The following MAN1C1 variants were observed in gnomAD, a reference collection of about 807,000 sequenced individuals.
MAN1C1 encodes mannosyl-oligosaccharide 1,2-alpha-mannosidase IC.
Under a neutral mutation model 71.5 loss-of-function variants are expected in MAN1C1, and 49 were observed. The observed-to-expected ratio is 0.69, with a 90% CI of 0.54 to 0.87. The LOEUF (loss-of-function observed/expected upper bound fraction) is 0.87. Among genes scored for constraint, MAN1C1 ranks in the 40% least tolerant of loss-of-function variants. The pLI is 0.00. For missense variants in MAN1C1, 743 were observed against 835.0 expected, an observed-to-expected ratio of 0.89 and a Z score of 1.36; for synonymous variants, 352 against 343.7, an observed-to-expected ratio of 1.02 and a Z score of -0.27.
intron 11 of MAN1C1, 130 bp from the exon 12 acceptor site, chr1:25,783,533 G>C: frequency 3.1e-6 from 3 of 973,280 alleles, no homozygotes; most frequent in Non-Finnish European, 4.7e-6. Context: ...CCACAGTTTT[G>C]GGGTTGCAAG....
chr1:25,687,020 A>C (rs1439894541), intron 2 of MAN1C1, among the ~76,000 whole-genome samples: 1 of 152,150 alleles, frequency 6.6e-6, no homozygotes, highest in Admixed American at 6.5e-5. Flanking sequence ...CTTCACCTGT[A>C]GTACCAGTCA....
intron 2 of MAN1C1, among the ~76,000 whole-genome samples, chr1:25,690,929 C>T (rs2046299907): frequency 6.6e-6 from 1 of 152,178 alleles, no homozygotes; most frequent in Non-Finnish European, 1.5e-5. Flanking sequence ...TAAAGTGGCT[C>T]AGTACCCTGA....
At chr1:25,630,383 C>G (rs184441163) in intron 1 of MAN1C1, among the ~76,000 whole-genome samples, 7 of 152,170 alleles carry the variant, frequency 4.6e-5, no homozygotes, top group Admixed American at 2.0e-4. Flanking sequence ...GCCATTCAGG[C>G]TCTTTTTAAA....
intron 2 of MAN1C1, among the ~76,000 whole-genome samples, chr1:25,716,611 G>A (rs931305858): frequency 5.9e-5 from 9 of 152,104 alleles, no homozygotes; most frequent in African/African-American, 1.4e-4. Context: ...CACTGTGCCC[G>A]GCCCTCAAAT....
At chr1:25,736,290 A>G (rs910894533) in intron 2 of MAN1C1, among the ~76,000 whole-genome samples, 6 of 152,082 alleles carry the variant, frequency 3.9e-5, no homozygotes, top group Non-Finnish European at 7.4e-5. Context: ...TGCTGGGCCA[A>G]TCATCTGCCA....
chr1:25,618,385 G>A (rs1234305459), intron 1 of MAN1C1, 48 bp downstream of exon 1: 3 of 1,542,076 alleles, frequency 1.9e-6, no homozygotes, highest in Non-Finnish European at 1.7e-6. Context: ...CCCCTCTAAG[G>A]AGAGAAGACC....
chr1:25,652,756 G>T (rs1376994896), intron 1 of MAN1C1, among the ~76,000 whole-genome samples: 1 of 152,196 alleles, frequency 6.6e-6, no homozygotes, highest in East Asian at 1.9e-4. Context: ...CACCCTCGGG[G>T]TTGCAGTGCT....
Position 25,778,375 on chromosome 1 carries a change from G to C in MAN1C1, c.1477+51G>C. 6.5e-7 allele frequency: 1 copy of C among 1,529,134 alleles called. No individual in the cohort carries two copies. Among genetic ancestry groups the C allele is most frequent in the Admixed American group, 2.0e-5 (1 of 49,928 alleles). The allele number at this position is 1,529,134 out of a possible 1,614,324, so 94.7% of individuals were successfully genotyped here. A position where few individuals can be genotyped will look rare whatever the true frequency, so the allele number is the denominator to read the frequency against. On this transcript the variant is annotated intron_variant, in intron 9 of 11. Coordinates refer to ENST00000374332, the MANE Select transcript of MAN1C1 (RefSeq NM_020379.4). The surrounding 1 kb of genome is among the most constrained non-coding windows in gnomAD (Gnocchi z 5.5). Reference sequence around the variant, plus strand: ...CAGGAGAGACTGAGGCTAGACACCAGGAAGAACTGGAAAGACCGGCAGCAG... The same window carrying C: ...CAGGAGAGACTGAGGCTAGACACCACGAAGAACTGGAAAGACCGGCAGCAG...
intron 8 of MAN1C1, 82 bp downstream of exon 8, chr1:25,771,854 A>C (rs2047557269): frequency 1.8e-6 from 2 of 1,095,920 alleles, no homozygotes; most frequent in Non-Finnish European, 2.8e-6. Context: ...TGCTGCGGGC[A>C]GCGGGGCCAG....
Position 25,769,018 on chromosome 1 carries a change from G to GCACACACACTACACACCACCCACACTCC in MAN1C1, c.1142-2601_1142-2574dup, listed in dbSNP as rs1439078641. On this transcript the variant is annotated intron_variant, in intron 7 of 11. Transcript: ENST00000374332. This position sits in a 1 kb window ranked among gnomAD's most constrained non-coding sequence, Gnocchi z 4.8. ...TACATACACTACACACTCCCCTCAG[G>GCACACACACTACACACCACCCACACTCC]CACACACACTACACACCACCCACAC... is the stretch of plus-strand genomic sequence containing the variant. 1.0e-4 allele frequency among the ~76,000 whole-genome samples: 11 copies of GCACACACACTACACACCACCCACACTCC among 105,712 alleles called. No homozygotes were observed. The South Asian group carries it at 3.6e-3, about 34-fold the overall frequency. 69.4% of individuals were successfully genotyped at this position (105,712 alleles called of 152,430 possible).
rs1212766336 is a variant in MAN1C1 at position 25,770,833 on chromosome 1, C to T, written c.1142-824C>T. 2.6e-5 allele frequency among the ~76,000 whole-genome samples: 4 copies of T among 151,430 alleles called. No individual in the cohort carries two copies. The East Asian group carries it at 5.8e-4, about 22-fold the overall frequency. On this transcript the variant is annotated intron_variant, in intron 7 of 11. Transcript: ENST00000374332. Reference sequence around the variant, plus strand: ...CCCCCATTTTCTTTCTTCTCTCTGTCTCTCTGCTTAAGTGAATCAGAACAC... The same window carrying T: ...CCCCCATTTTCTTTCTTCTCTCTGTTTCTCTGCTTAAGTGAATCAGAACAC...
chr1:25,713,739 G>A (rs958631919), intron 2 of MAN1C1, among the ~76,000 whole-genome samples: 11 of 152,264 alleles, frequency 7.2e-5, no homozygotes, highest in African/African-American at 2.2e-4. Flanking sequence ...CACATAAATC[G>A]TTATAATGCA....
chr1:25,723,467 G>C (rs548571356), intron 2 of MAN1C1, among the ~76,000 whole-genome samples: 1 of 152,164 alleles, frequency 6.6e-6, no homozygotes, highest in Non-Finnish European at 1.5e-5. Context: ...CTTAGGGTTC[G>C]GCTTTCTTGG....
intron 1 of MAN1C1, among the ~76,000 whole-genome samples, chr1:25,667,696 C>A (rs2045943302): frequency 6.6e-6 from 1 of 152,054 alleles, no homozygotes; most frequent in Admixed American, 6.6e-5. Context: ...TATAATACAG[C>A]TGCAATAATC....
At chr1:25,763,060 G>C (rs1040491258) in intron 6 of MAN1C1, among the ~76,000 whole-genome samples, 2 of 152,102 alleles carry the variant, frequency 1.3e-5, no homozygotes, top group Non-Finnish European at 2.9e-5. Flanking sequence ...TTGAGGTCAA[G>C]AGTTCGAGAC....
chr1:25,726,919 C>T (rs991585134), intron 2 of MAN1C1, among the ~76,000 whole-genome samples: 3 of 147,028 alleles, frequency 2.0e-5, no homozygotes, highest in South Asian at 2.1e-4. Flanking sequence ...AAGCCAACTG[C>T]GGTGGCATGT....
chr1:25,749,595 C>G (rs1056210380), intron 4 of MAN1C1, among the ~76,000 whole-genome samples: 5 of 152,202 alleles, frequency 3.3e-5, no homozygotes, highest in African/African-American at 1.2e-4. Flanking sequence ...TCACACAAAG[C>G]AGCGGCAGCA....
chr1:25,695,482 G>A (rs550251340), intron 2 of MAN1C1, among the ~76,000 whole-genome samples: 1 of 152,116 alleles, frequency 6.6e-6, no homozygotes, highest in African/African-American at 2.4e-5. Context: ...AGTGACATGT[G>A]CACAATTCCT....
At chr1:25,679,945 AAAAAAAT>A (rs1414194856) in intron 1 of MAN1C1, among the ~76,000 whole-genome samples, 2 of 118,160 alleles carry the variant, frequency 1.7e-5, no homozygotes, top group Non-Finnish European at 3.3e-5. Context: ...CTCAAAAAAA[AAAAAAAT>A]ATATATATAT....
Sources: gnomAD v4.1 joint callset for allele counts (sites outside exome capture counted in the v4.1 genomes callset) on GRCh38, gnomAD v4.1.1 for gene constraint, Gnocchi (gnomAD v3.1) non-coding constraint, MANE v1.5 for transcripts, NCBI Gene and HGNC (gene_info 2026-07-23, HGNC 2026-07-21) for gene names.